The following DOCK11 variants were observed in gnomAD, a reference collection of about 807,000 sequenced individuals.
DOCK11 encodes dedicator of cytokinesis 11.
A neutral mutation model predicts 169.1 loss-of-function variants in DOCK11; 70 were observed. The observed-to-expected ratio is 0.41, with a 90% CI of 0.34 to 0.51. The LOEUF (loss-of-function observed/expected upper bound fraction) is 0.51, where lower values mean the gene tolerates loss of function less well. Ranked by LOEUF, DOCK11 falls within the 20% of genes least tolerant of loss-of-function variation. DOCK11 has a pLI of 0.10. For missense variants in DOCK11, 1,166 were observed against 1,538.8 expected, an observed-to-expected ratio of 0.76 and a Z score of 4.05; for synonymous variants, 529 against 541.3, an observed-to-expected ratio of 0.98 and a Z score of 0.32.
chrX:118,567,459 G>A (rs1336133433), intron 9 of DOCK11, among the ~76,000 whole-genome samples: 3 of 99,624 alleles, frequency 3.0e-5, no homozygotes, highest in Non-Finnish European at 6.0e-5. Flanking sequence ...TTGAGACAGA[G>A]TCTCACTCTA....
chrX:118,617,945 T>G (rs912665013), intron 30 of DOCK11, among the ~76,000 whole-genome samples: 2 of 111,828 alleles, frequency 1.8e-5, no homozygotes, highest in African/African-American at 6.5e-5. Flanking sequence ...TAGTTCGAAG[T>G]GATTATTTTC....
At chrX:118,653,463 A>G (rs1276719514) in intron 42 of DOCK11, among the ~76,000 whole-genome samples, 1 of 111,363 alleles carries the variant, frequency 9.0e-6, no homozygotes, top group East Asian at 2.8e-4. Context: ...CCCAGGCTGG[A>G]GTGCAATGGC....
chrX:118,529,966 G>A (rs1337579168), intron 1 of DOCK11, among the ~76,000 whole-genome samples: 2 of 112,023 alleles, frequency 1.8e-5, no homozygotes, highest in East Asian at 5.6e-4. Flanking sequence ...AACAGTTTGA[G>A]CTTTATTCTA....
intron 12 of DOCK11, among the ~76,000 whole-genome samples, chrX:118,574,591 C>T (rs1381750305): frequency 1.8e-5 from 2 of 111,596 alleles, no homozygotes; most frequent in East Asian, 2.8e-4. Context: ...CTGATACAGA[C>T]ACCCATAAAC....
chrX:118,649,923 C>T (rs1603162188), intron 41 of DOCK11, among the ~76,000 whole-genome samples: 2 of 111,722 alleles, frequency 1.8e-5, no homozygotes, highest in South Asian at 7.5e-4. Context: ...AATATTGTTA[C>T]CTAGCTCATA....
chrX:118,529,713 G>A (rs2011464249), intron 1 of DOCK11, among the ~76,000 whole-genome samples: 1 of 111,790 alleles, frequency 8.9e-6, no homozygotes, highest in African/African-American at 3.3e-5. Flanking sequence ...GTAGGAAATA[G>A]AATAGCTCTG....
intron 29 of DOCK11, among the ~76,000 whole-genome samples, chrX:118,615,100 C>G (rs1335866091): frequency 1.8e-5 from 2 of 111,812 alleles, no homozygotes; most frequent in Non-Finnish European, 3.8e-5. Context: ...CCACATGCAG[C>G]CTTTTTGAGC....
chrX:118,609,734 C>T (rs1478599545), intron 27 of DOCK11, among the ~76,000 whole-genome samples: 1 of 112,082 alleles, frequency 8.9e-6, no homozygotes, highest in Non-Finnish European at 1.9e-5. Flanking sequence ...TGCCCATGCA[C>T]GTGGAGTGTT....
At chrX:118,535,214 G>T (rs1376610152) in intron 1 of DOCK11, among the ~76,000 whole-genome samples, 1 of 112,096 alleles carries the variant, frequency 8.9e-6, no homozygotes, top group African/African-American at 3.2e-5. Flanking sequence ...AACGCATAAA[G>T]GTTTATGTGG....
intron 4 of DOCK11, 98 bp from the exon 5 acceptor site, chrX:118,545,225 G>T (rs1433060409): frequency 1.3e-5 from 7 of 532,557 alleles, no homozygotes; most frequent in Non-Finnish European, 8.6e-6. Context: ...TGCTCATCTT[G>T]CTTTTACTGT....
At position 118,588,413 on chromosome X, in the gene DOCK11, G is replaced by A. The variant is rs2013884163; in HGVS notation, c.1981G>A (p.Ala661Thr). Residue 661 changes from alanine to threonine, a missense_variant and splice_region_variant, in exon 18 of 53, where the codon GCA becomes ACA. Ala to Thr is a moderately conservative substitution (Grantham distance 58). Coordinates refer to ENST00000276202, the MANE Select transcript of DOCK11 (RefSeq NM_144658.4). ...CATTTTGACTGATTAATCATTTTAG[G>A]CAAGGAACATTGCAGTCTGTGTGGA... ...KYDSQKTFAK[A>T]RNIAVCVEFR... 8.4e-7 allele frequency: 1 copy of A among 1,187,537 alleles called. No individual in the cohort carries two copies. The highest frequency in any genetic ancestry group is 1.1e-6 in the Non-Finnish European group (1 of 884,314).
At chrX:118,631,256 AT>A (rs1357499245) in intron 35 of DOCK11, among the ~76,000 whole-genome samples, 3 of 111,465 alleles carry the variant, frequency 2.7e-5, no homozygotes, top group Non-Finnish European at 3.8e-5. Context: ...CTCATTTTCT[AT>A]TTTTTTATTT....
At chrX:118,516,259 A>G (rs1262723049) in intron 1 of DOCK11, among the ~76,000 whole-genome samples, 1 of 101,583 alleles carries the variant, frequency 9.8e-6, no homozygotes, top group Non-Finnish European at 2.0e-5. Context: ...TGCCCGGCTA[A>G]TTTTGTTTTG....
At chrX:118,619,372 G>A in intron 31 of DOCK11, among the ~76,000 whole-genome samples, 1 of 102,696 alleles carries the variant, frequency 9.7e-6, no homozygotes, top group Admixed American at 1.1e-4. Flanking sequence ...TACTCGGGAG[G>A]CTGAGGCAGG....
intron 1 of DOCK11, among the ~76,000 whole-genome samples, chrX:118,525,983 T>C (rs1278165852): frequency 2.7e-5 from 3 of 112,274 alleles, no homozygotes; most frequent in African/African-American, 6.5e-5. Context: ...TGCCTACTTA[T>C]TCCCTGTGAA....
intron 23 of DOCK11, among the ~76,000 whole-genome samples, chrX:118,600,716 T>C (rs1185749006): frequency 9.2e-6 from 1 of 108,955 alleles, no homozygotes; most frequent in African/African-American, 3.4e-5. Flanking sequence ...CCAGAGAAAA[T>C]CTCTCTAGTA....
At chrX:118,516,093 C>CTTTTTTTTTTTTTTTTTT (rs773184047) in intron 1 of DOCK11, among the ~76,000 whole-genome samples, 2 of 54,991 alleles carry the variant, frequency 3.6e-5, no homozygotes, top group African/African-American at 8.2e-5. Flanking sequence ...TTTTCTTTTT[C>CTTTTTTTTTTTTTTTTTT]TTTTTTTTTT....
At chrX:118,594,158 C>T (rs766777289) in intron 20 of DOCK11, among the ~76,000 whole-genome samples, 17 of 111,477 alleles carry the variant, frequency 1.5e-4, no homozygotes, top group African/African-American at 5.2e-4. Flanking sequence ...GTGAAGCTCT[C>T]GTCATGGGCC....
Position 118,608,290 on chromosome X carries a change from G to T in DOCK11, c.2811G>T (p.Leu937=). The T allele has an allele frequency of 8.3e-7, 1 of 1,210,669 alleles. No homozygotes were observed. The highest frequency in any genetic ancestry group is 1.1e-6 in the Non-Finnish European group (1 of 894,960). Residue 937 remains leucine, a synonymous_variant, in exon 26 of 53, where the codon CTG becomes CTT. Transcript: ENST00000276202. ...APQAQLIHET[L]ATTMIAILKQ... The stretch of plus-strand genomic sequence containing the variant: ...AGGCCCAGCTGATACATGAAACCCT[G>T]GCTACTACGATGATAGCAATATTGA...
Sources: gnomAD v4.1 joint callset for allele counts (sites outside exome capture counted in the v4.1 genomes callset) on GRCh38, gnomAD v4.1.1 for gene constraint, MANE v1.5 for transcripts, NCBI Gene and HGNC (gene_info 2026-07-23, HGNC 2026-07-21) for gene names.